Variants in BTG4 observed in about 807,000 individuals in gnomAD.
BTG4 encodes BTG anti-proliferation factor 4, also known as protein BTG4.
BTG4 carries 10 observed loss-of-function variants against 19.3 expected under a neutral mutation model. The ratio of observed to expected loss-of-function variants is 0.52; its 90% CI spans 0.32 to 0.88. The LOEUF (loss-of-function observed/expected upper bound fraction) is 0.88, where lower values mean the gene tolerates loss of function less well. Among genes scored for constraint, BTG4 ranks in the 40% least tolerant of loss-of-function variants. BTG4 has a pLI of 0.04. For missense variants in BTG4, 238 were observed against 281.9 expected (o/e 0.84, Z 1.11); for synonymous variants, 91 against 95.7 (o/e 0.95, Z 0.29).
intron 1 of BTG4, 123 bp from the exon 2 acceptor site, chr11:111,498,925 G>T: frequency 7.8e-6 from 5 of 643,358 alleles, no homozygotes. Context: ...CTGCTAGAAA[G>T]AAGTCCTTAG....
the BTG4 span, among the ~76,000 whole-genome samples, chr11:111,444,665 A>C: frequency 6.6e-6 from 1 of 152,240 alleles, no homozygotes; most frequent in African/African-American, 2.4e-5. Flanking sequence ...TTTAATACAT[A>C]ATACCCCATA....
downstream of BTG4, among the ~76,000 whole-genome samples, chr11:111,489,887 T>C (rs1591496035): frequency 6.6e-6 from 1 of 151,966 alleles, no homozygotes; most frequent in East Asian, 1.9e-4. Context: ...GGATTGTTAG[T>C]GGGTACAAAA....
intron 5 of BTG4, chr11:111,475,229 T>C (rs949440625): frequency 6.6e-6 from 1 of 152,480 alleles, no homozygotes; most frequent in Non-Finnish European, 1.5e-5. Context: ...AACACATAAA[T>C]GTGTATCATA....
At chr11:111,452,193 C>G in the BTG4 span, among the ~76,000 whole-genome samples, 2 of 152,380 alleles carry the variant, frequency 1.3e-5, no homozygotes, top group East Asian at 3.9e-4. Context: ...AGTCCCAGAA[C>G]ATGCACACAG....
intron 1 of BTG4, among the ~76,000 whole-genome samples, chr11:111,502,032 T>C (rs1241276065): frequency 6.6e-6 from 1 of 152,214 alleles, no homozygotes; most frequent in Admixed American, 6.5e-5. Flanking sequence ...GATGTAGTTG[T>C]CATTCCTCTT....
At chr11:111,442,812 C>A in the BTG4 span, among the ~76,000 whole-genome samples, 2 of 152,088 alleles carry the variant, frequency 1.3e-5, no homozygotes, top group South Asian at 2.1e-4. Flanking sequence ...AATGAAGAAG[C>A]AACAAATCTC....
At chr11:111,513,315 T>G, upstream of BTG4, 1 of 490,500 alleles carries the variant, frequency 2.0e-6, no homozygotes, top group South Asian at 1.5e-5. Context: ...ACTGTGTCTA[T>G]TTGCCATCGT....
intron 1 of BTG4, among the ~76,000 whole-genome samples, chr11:111,510,380 C>A (rs115912968): frequency 7.9e-5 from 12 of 152,294 alleles, no homozygotes; most frequent in Non-Finnish European, 1.6e-4. Context: ...GCTCCTTTTC[C>A]ATCTCCCTAA....
chr11:111,430,232 T>G, the BTG4 span, among the ~76,000 whole-genome samples: 2 of 152,132 alleles, frequency 1.3e-5, no homozygotes, highest in Admixed American at 6.6e-5. Flanking sequence ...TAGAGAGACA[T>G]GAGACATCAA....
chr11:111,413,180 C>A, the BTG4 span, among the ~76,000 whole-genome samples: 1 of 152,194 alleles, frequency 6.6e-6, no homozygotes, highest in Non-Finnish European at 1.5e-5. Flanking sequence ...CGTAAACCAT[C>A]AATGCAGGGG....
the BTG4 span, among the ~76,000 whole-genome samples, chr11:111,419,839 T>G: frequency 1.3e-5 from 2 of 152,200 alleles, no homozygotes; most frequent in African/African-American, 4.8e-5. Flanking sequence ...CAGCCTCAGT[T>G]CCCAGAGTCA....
intron 1 of BTG4, among the ~76,000 whole-genome samples, chr11:111,509,759 A>G (rs1866729163): frequency 6.6e-6 from 1 of 152,024 alleles, no homozygotes; most frequent in Admixed American, 6.5e-5. Flanking sequence ...AGCTGCTAAA[A>G]TCCAGTAATT....
the BTG4 span, among the ~76,000 whole-genome samples, chr11:111,452,034 G>A: frequency 2.0e-5 from 3 of 152,196 alleles, no homozygotes; most frequent in East Asian, 1.9e-4. Flanking sequence ...GTCTCCCCCC[G>A]ACCCCCATCT....
chr11:111,468,625 A>G (rs570382243), intron 5 of BTG4, among the ~76,000 whole-genome samples: 1 of 152,360 alleles, frequency 6.6e-6, no homozygotes, highest in Non-Finnish European at 1.5e-5. Context: ...AAGAGAATGA[A>G]CAAGAGAGTT....
chr11:111,398,255 A>G, the BTG4 span, among the ~76,000 whole-genome samples: 1 of 152,344 alleles, frequency 6.6e-6, no homozygotes, highest in African/African-American at 2.4e-5. Context: ...GCGGCCAACC[A>G]TTGACCAAGT....
At chr11:111,395,958 C>T in the BTG4 span, among the ~76,000 whole-genome samples, 1 of 152,244 alleles carries the variant, frequency 6.6e-6, no homozygotes, top group African/African-American at 2.4e-5. Flanking sequence ...CTCGCAGAAG[C>T]CGCCCCGGAG....
chr11:111,511,971 A>G (rs2135757730), intron 1 of BTG4, among the ~76,000 whole-genome samples: 1 of 152,282 alleles, frequency 6.6e-6, no homozygotes, highest in Non-Finnish European at 1.5e-5. Flanking sequence ...CAAGAGGACC[A>G]CGATTTGATG....
At chr11:111,455,965 A>AC in the BTG4 span, 1 of 350,356 alleles carries the variant, frequency 2.9e-6, no homozygotes, top group African/African-American at 2.1e-5. Flanking sequence ...CTCCAGTTCC[A>AC]CCCCCAGACA....
the BTG4 span, among the ~76,000 whole-genome samples, chr11:111,409,483 C>G: frequency 0.61 from 92,774 of 151,876 alleles, 29,040 homozygotes; most frequent in Admixed American, 0.75. Flanking sequence ...GGATGTCCCT[C>G]AGGTTTGGTC....
Sources: allele counts gnomAD v4.1 joint callset (sites outside exome capture counted in the v4.1 genomes callset), GRCh38; gene constraint gnomAD v4.1.1; transcripts MANE v1.5; gene names NCBI Gene and HGNC (gene_info 2026-07-23, HGNC 2026-07-21).